Variants in MTA3 observed in about 807,000 individuals in gnomAD.
MTA3 encodes metastasis-associated protein MTA3.
MTA3 carries 34 observed loss-of-function variants against 83.5 expected under a neutral mutation model. The ratio of observed to expected loss-of-function variants is 0.41; its 90% confidence interval spans 0.31 to 0.54. MTA3 has a LOEUF of 0.54. Ranked by LOEUF, MTA3 falls within the 20% of genes least tolerant of loss-of-function variation. The probability of loss-of-function intolerance (pLI) is 0.33; values close to 1 mark genes in which losing one functional copy is unlikely to be tolerated. For missense variants in MTA3, 761 were observed against 726.4 expected, an observed-to-expected ratio of 1.05 and a Z score of -0.55; for synonymous variants, 303 against 252.7, an observed-to-expected ratio of 1.20 and a Z score of -1.89.
chr2:42,701,936 C>T (rs1049623796), intron 11 of MTA3, among the ~76,000 whole-genome samples: 2 of 149,252 alleles, frequency 1.3e-5, no homozygotes, highest in Admixed American at 1.3e-4. Flanking sequence ...ATAGGCTGGG[C>T]ATGGTGGCTC....
intron 8 of MTA3, among the ~76,000 whole-genome samples, chr2:42,670,647 C>T (rs1377297567): frequency 6.6e-6 from 1 of 151,990 alleles, no homozygotes; most frequent in Non-Finnish European, 1.5e-5. Context: ...TGCTGTGAAT[C>T]TTGGCACTAA....
intron 4 of MTA3, among the ~76,000 whole-genome samples, chr2:42,628,449 G>T (rs1686341875): frequency 6.6e-6 from 1 of 151,932 alleles, no homozygotes; most frequent in Admixed American, 6.6e-5. Context: ...GGCTAGGCTG[G>T]TCTCAAACTG....
intron 14 of MTA3, among the ~76,000 whole-genome samples, chr2:42,715,149 G>C (rs976796297): frequency 5.3e-5 from 8 of 152,160 alleles, no homozygotes; most frequent in African/African-American, 1.2e-4. Context: ...AGTGGAGTTA[G>C]GTGAGTAATT....
chr2:42,667,574 G>GTGTGTGTGTGTGTGTGTT lies in MTA3; in HGVS notation c.702+7729_702+7730insTTGTGTGTGTGTGTGTGT, dbSNP rs1558562145. Among the ~76,000 whole-genome samples the GTGTGTGTGTGTGTGTGTT allele has an allele frequency of 3.7e-3, 448 of 121,244 alleles. 5 individuals are homozygous for GTGTGTGTGTGTGTGTGTT. The highest frequency in any genetic ancestry group is 0.015 in the Admixed American group (160 of 10,682). 79.5% of individuals were successfully genotyped at this position (121,244 alleles called of 152,430 possible). A position where few individuals can be genotyped will look rare whatever the true frequency, so the allele number is the denominator to read the frequency against. On this transcript the variant is annotated intron_variant, in intron 8 of 16. Transcript: ENST00000405094. ...AGAATTTCCATCATTTAAAAATTGT[G>GTGTGTGTGTGTGTGTGTT]TGTGTGTGTGTGTGTGTGTGTGTGT...
chr2:42,707,792 T>C (rs2104505552), intron 12 of MTA3, 111 bp from the exon 13 acceptor site: 1 of 1,205,528 alleles, frequency 8.3e-7, no homozygotes. Flanking sequence ...CTGGGAACAA[T>C]AACATTGTAA....
At chr2:42,526,883 G>A (rs1488237051) in intron 2 of MTA3, among the ~76,000 whole-genome samples, 1 of 151,650 alleles carries the variant, frequency 6.6e-6, no homozygotes, top group Non-Finnish European at 1.5e-5. Flanking sequence ...GTGAAACCCC[G>A]TCTCTACTAA....
At chr2:42,632,004 A>T (rs902475275) in intron 4 of MTA3, among the ~76,000 whole-genome samples, 2 of 150,642 alleles carry the variant, frequency 1.3e-5, no homozygotes, top group African/African-American at 4.9e-5. Flanking sequence ...TTAGTTATTT[A>T]AAAATGTACA....
chr2:42,591,681 C>G (rs570838045), intron 3 of MTA3, among the ~76,000 whole-genome samples: 3 of 150,138 alleles, frequency 2.0e-5, no homozygotes, highest in Non-Finnish European at 3.0e-5. Flanking sequence ...AACGGAGTTT[C>G]GCTCAGTGGC....
chr2:42,657,807 C>T (rs1689303928), intron 7 of MTA3, among the ~76,000 whole-genome samples: 2 of 150,070 alleles, frequency 1.3e-5, no homozygotes, highest in South Asian at 2.1e-4. Context: ...TGGCTCACGC[C>T]GCCTGTAATC....
At chr2:42,695,227 A>G (rs1693273887) in intron 9 of MTA3, among the ~76,000 whole-genome samples, 1 of 152,240 alleles carries the variant, frequency 6.6e-6, no homozygotes, top group African/African-American at 2.4e-5. Flanking sequence ...TTCACATTCC[A>G]TACTGAATAT....
At chr2:42,558,312 G>A (rs1310122419) in intron 2 of MTA3, among the ~76,000 whole-genome samples, 1 of 150,346 alleles carries the variant, frequency 6.7e-6, no homozygotes, top group African/African-American at 2.5e-5. Flanking sequence ...CATGATCTCG[G>A]CTCACTGCAA....
chr2:42,693,348 G>T (rs1477470090), intron 9 of MTA3, among the ~76,000 whole-genome samples: 1 of 152,208 alleles, frequency 6.6e-6, no homozygotes, highest in Non-Finnish European at 1.5e-5. Context: ...CCAGGCCCTG[G>T]TGAGTCCAGA....
At chr2:42,718,158 A>G (rs902433015) in intron 14 of MTA3, among the ~76,000 whole-genome samples, 1 of 150,896 alleles carries the variant, frequency 6.6e-6, no homozygotes, top group Admixed American at 6.6e-5. Context: ...GCCCATGAAA[A>G]CATCACATGG....
intron 2 of MTA3, among the ~76,000 whole-genome samples, chr2:42,554,329 A>G (rs1220152884): frequency 6.6e-6 from 1 of 152,222 alleles, no homozygotes; most frequent in Non-Finnish European, 1.5e-5. Context: ...ACTCCGTTTC[A>G]TTTATCAAGG....
intron 3 of MTA3, among the ~76,000 whole-genome samples, chr2:42,601,889 G>A (rs1682623596): frequency 6.6e-6 from 1 of 151,972 alleles, no homozygotes; most frequent in South Asian, 2.1e-4. Context: ...GTCCAGGTTG[G>A]AGTGCAGTGG....
intron 10 of MTA3, 34 bp from the exon 11 acceptor site, chr2:42,697,742 G>GC: frequency 7.2e-7 from 1 of 1,398,180 alleles, no homozygotes; most frequent in Non-Finnish European, 9.7e-7. Context: ...ATTAGGCATT[G>GC]CATGTAAAAT....
Position 42,695,730 on chromosome 2 carries a change from A to G in MTA3, c.892-35A>G, listed in dbSNP as rs143355749. 1,021 of 1,295,294 alleles carry G rather than the reference A, an allele frequency of 7.9e-4. 10 individuals carry two copies. In the African/African-American group the frequency reaches 0.013, roughly 17 times the overall value. The allele number at this position is 1,295,294 out of a possible 1,614,324, so 80.2% of individuals were successfully genotyped here. The stretch of plus-strand genomic sequence containing the variant: ...TTTTCATCTCATTTTATTATATGTT[A>G]ACATAGATGATAGGTTGATTTTTTT... On this transcript the variant is annotated intron_variant, in intron 9 of 16. Transcript: ENST00000405094.
chr2:42,616,575 T>C (rs532385379), intron 4 of MTA3, among the ~76,000 whole-genome samples: 19 of 118,738 alleles, frequency 1.6e-4, no homozygotes, highest in African/African-American at 5.7e-4. Flanking sequence ...TCTTCTTCTT[T>C]TTTTTTTTTT....
At chr2:42,680,239 A>T (rs1691747612) in intron 8 of MTA3, 1 of 152,332 alleles carries the variant, frequency 6.6e-6, no homozygotes, top group Admixed American at 6.5e-5. Flanking sequence ...ACCTTCGTTC[A>T]GCACCCCAGA....
Sources: allele counts gnomAD v4.1 joint callset (sites outside exome capture counted in the v4.1 genomes callset), GRCh38; gene constraint gnomAD v4.1.1; transcripts MANE v1.5; gene names NCBI Gene and HGNC (gene_info 2026-07-23, HGNC 2026-07-21).